NUP62CL: variants seen among roughly 807,000 people sequenced by gnomAD.
NUP62CL encodes nucleoporin 62 C-terminal like, also known as nucleoporin-62 C-terminal-like protein.
In NUP62CL, 13 loss-of-function variants were observed where a neutral mutation model predicts 15.3. The ratio of observed to expected loss-of-function variants is 0.85; its 90% confidence interval spans 0.55 to 1.35. The LOEUF (loss-of-function observed/expected upper bound fraction) is 1.35. NUP62CL is among the 40% of genes most tolerant of loss of function. The pLI is 0.00. For missense variants in NUP62CL, 123 were observed against 130.6 expected (o/e 0.94, Z 0.28); for synonymous variants, 54 against 49.2 (o/e 1.10, Z -0.41).
chrX:107,165,141 A>G (rs1299178996), intron 4 of NUP62CL, among the ~76,000 whole-genome samples: 1 of 109,776 alleles, frequency 9.1e-6, no homozygotes, highest in Non-Finnish European at 1.9e-5. Context: ...AAAAAACAAA[A>G]AACAAAGATT....
In NUP62CL at chrX:107,175,311, G is replaced by A. The variant is rs188769990; in HGVS notation, c.-47-118C>T. ...AATAAAAACAAAGCAAGGAAAAGCAGGTATCCTGAAACCTAATCAATAAGA... is the reference window on the plus strand; with the variant it reads ...AATAAAAACAAAGCAAGGAAAAGCAAGTATCCTGAAACCTAATCAATAAGA... On this transcript the variant is annotated intron_variant, in intron 2 of 8. Coordinates refer to ENST00000372466, the MANE Select transcript of NUP62CL (RefSeq NM_017681.3). The A allele has an allele frequency of 2.6e-3, 1,148 of 435,014 alleles. 4 individuals carry two copies. The highest frequency in any genetic ancestry group is 3.5e-3 in the Non-Finnish European group (868 of 248,210). The allele number at this position is 435,014 out of a possible 1,213,427, so 35.9% of individuals were successfully genotyped here.
chrX:107,188,549 T>A (rs769171798), intron 2 of NUP62CL, among the ~76,000 whole-genome samples: 1 of 109,340 alleles, frequency 9.1e-6, no homozygotes, highest in South Asian at 4.0e-4. Flanking sequence ...AAAGACCGAA[T>A]GTTTTCCCCC....
chrX:107,181,758 T>G (rs188195974), intron 2 of NUP62CL, among the ~76,000 whole-genome samples: 26 of 112,190 alleles, frequency 2.3e-4, no homozygotes, highest in Non-Finnish European at 4.5e-4. Context: ...TTTTCATTTA[T>G]TCACATCCTC....
At chrX:107,176,123 C>T (rs992866711) in intron 2 of NUP62CL, among the ~76,000 whole-genome samples, 4 of 111,421 alleles carry the variant, frequency 3.6e-5, no homozygotes, top group African/African-American at 1.3e-4. Context: ...ACAGAGAGCT[C>T]CCAAGCCATT....
At chrX:107,141,782 G>A (rs918332854) in intron 8 of NUP62CL, among the ~76,000 whole-genome samples, 1 of 111,082 alleles carries the variant, frequency 9.0e-6, no homozygotes, top group African/African-American at 3.3e-5. Context: ...TTTTTAGGCC[G>A]AGTGTGGTGG....
At chrX:107,142,268 A>G (rs1925788502) in intron 8 of NUP62CL, among the ~76,000 whole-genome samples, 1 of 111,210 alleles carries the variant, frequency 9.0e-6, no homozygotes, top group Non-Finnish European at 1.9e-5. Flanking sequence ...TCAAATCATG[A>G]GAGACAACTA....
chrX:107,176,968 A>G (rs1348920659), intron 2 of NUP62CL, among the ~76,000 whole-genome samples: 2 of 111,574 alleles, frequency 1.8e-5, no homozygotes, highest in Non-Finnish European at 3.8e-5. Flanking sequence ...AATTCTAGCC[A>G]GGACAATAGG....
chrX:107,135,341 C>G (rs1314535171), intron 8 of NUP62CL, among the ~76,000 whole-genome samples: 1 of 111,827 alleles, frequency 8.9e-6, no homozygotes, highest in East Asian at 2.8e-4. Context: ...TTTCTTTAAA[C>G]TTAAAGGCTT....
At chrX:107,205,382 T>C (rs955545213) in intron 1 of NUP62CL, among the ~76,000 whole-genome samples, 3 of 112,397 alleles carry the variant, frequency 2.7e-5, no homozygotes, top group African/African-American at 9.7e-5. Context: ...AAGGTATTGG[T>C]AATTTGGCCA....
chrX:107,163,693 T>A (rs997764822), intron 4 of NUP62CL, among the ~76,000 whole-genome samples: 12 of 111,736 alleles, frequency 1.1e-4, no homozygotes, highest in African/African-American at 1.9e-4. Context: ...TTCATTTTTT[T>A]AAAAAGAAAT....
intron 8 of NUP62CL, among the ~76,000 whole-genome samples, chrX:107,142,531 G>A (rs1231557470): frequency 8.9e-6 from 1 of 111,947 alleles, no homozygotes; most frequent in Non-Finnish European, 1.9e-5. Flanking sequence ...TATGAAAGAA[G>A]TAAAATGCCA....
intron 4 of NUP62CL, among the ~76,000 whole-genome samples, chrX:107,163,209 A>T (rs1176179963): frequency 8.9e-6 from 1 of 112,151 alleles, no homozygotes; most frequent in Admixed American, 9.5e-5. Flanking sequence ...TGGCTGAGAC[A>T]ACCATACTTA....
intron 3 of NUP62CL, among the ~76,000 whole-genome samples, chrX:107,168,283 A>G (rs1457084554): frequency 2.7e-5 from 3 of 111,838 alleles, no homozygotes; most frequent in East Asian, 5.6e-4. Flanking sequence ...TGCCCTATCT[A>G]AACAATTTTG....
intron 4 of NUP62CL, among the ~76,000 whole-genome samples, chrX:107,157,652 C>G (rs1164313413): frequency 3.7e-5 from 4 of 107,877 alleles, no homozygotes; most frequent in South Asian, 4.2e-4. Context: ...AAGGAACAAC[C>G]GGTACCAGCC....
chrX:107,144,607 G>A (rs1051947159), intron 8 of NUP62CL, among the ~76,000 whole-genome samples: 3 of 111,674 alleles, frequency 2.7e-5, no homozygotes, highest in Non-Finnish European at 5.7e-5. Flanking sequence ...AACTCTACCC[G>A]AGAAGCACTG....
At chrX:107,124,935 TTAC>T (rs1336555307) in intron 8 of NUP62CL, among the ~76,000 whole-genome samples, 1 of 111,821 alleles carries the variant, frequency 8.9e-6, no homozygotes, top group Non-Finnish European at 1.9e-5. Context: ...TCATTAATGG[TTAC>T]TCATGAATAA....
chrX:107,150,050 G>T (rs1925973105), intron 7 of NUP62CL, among the ~76,000 whole-genome samples: 1 of 111,957 alleles, frequency 8.9e-6, no homozygotes, highest in African/African-American at 3.2e-5. Context: ...TTCTGTGGGG[G>T]CAGGTGTAAA....
intron 6 of NUP62CL, 47 bp from the exon 7 acceptor site, chrX:107,153,353 T>C (rs1926094471): frequency 1.8e-6 from 2 of 1,138,153 alleles, no homozygotes; most frequent in African/African-American, 1.9e-5. Context: ...GAATTTGGAG[T>C]GACAAAAAGA....
intron 8 of NUP62CL, among the ~76,000 whole-genome samples, chrX:107,146,085 A>G (rs746591071): frequency 1.8e-5 from 2 of 111,980 alleles, no homozygotes; most frequent in African/African-American, 3.2e-5. Flanking sequence ...TCAGATCAAG[A>G]GGCACATAAA....
Sources: gnomAD v4.1 joint callset for allele counts (sites outside exome capture counted in the v4.1 genomes callset) on GRCh38, gnomAD v4.1.1 for gene constraint, MANE v1.5 for transcripts, NCBI Gene and HGNC (gene_info 2026-07-23, HGNC 2026-07-21) for gene names.